ANKRD24: variants seen among roughly 807,000 people sequenced by gnomAD.
ANKRD24 encodes ankyrin repeat domain-containing protein 24.
In ANKRD24, 109 loss-of-function variants were observed where a neutral mutation model predicts 127.8. The ratio of observed to expected loss-of-function variants is 0.85; its 90% CI spans 0.73 to 1.00. The LOEUF is 1.00. Ranked by LOEUF, ANKRD24 falls within the 50% of genes least tolerant of loss-of-function variation. ANKRD24 has a pLI of 0.00. For synonymous variants in ANKRD24, 743 were observed against 671.1 expected (o/e 1.11, Z -1.66); for missense variants, 1,648 against 1,570.2 (o/e 1.05, Z -0.84).
At chr19:4,202,667 C>T (rs1318491359) in intron 6 of ANKRD24, among the ~76,000 whole-genome samples, 1 of 152,168 alleles carries the variant, frequency 6.6e-6, no homozygotes, top group Non-Finnish European at 1.5e-5. Context: ...CCCAGAGTTC[C>T]CAGCCACTCC....
intron 1 of ANKRD24, among the ~76,000 whole-genome samples, chr19:4,183,940 A>G (rs539426254): frequency 2.6e-5 from 4 of 152,052 alleles, no homozygotes; most frequent in African/African-American, 7.3e-5. Context: ...TAAAGAGTGC[A>G]TGAGTCAGGT....
Position 4,182,704 on chromosome 19 carries a change from T to C in ANKRD24, c.-73T>C, listed in dbSNP as rs895673090. 1.1e-5 allele frequency: 16 copies of C among 1,413,022 alleles called. No homozygotes were observed. Among genetic ancestry groups the C allele is most frequent in the Non-Finnish European group, 1.5e-5 (16 of 1,081,958 alleles). The allele number at this position is 1,413,022 out of a possible 1,614,324, so 87.5% of individuals were successfully genotyped here. ...TGCTGACGCCGCAGGCGACATGTTA[T>C]CTGCTGTCAGAAGGAAGCCTGCCTC... On this transcript the variant is annotated 5_prime_UTR_variant, in exon 1 of 22. Transcript: ENST00000318934.
At chr19:4,215,744 C>T (rs1297322633) in intron 15 of ANKRD24, among the ~76,000 whole-genome samples, 3 of 149,192 alleles carry the variant, frequency 2.0e-5, no homozygotes, top group Admixed American at 1.4e-4. Context: ...CACTGCACTC[C>T]AGCCTGGGTG....
At chr19:4,218,373 C>T (rs1287959398) in intron 18 of ANKRD24, among the ~76,000 whole-genome samples, 1 of 151,988 alleles carries the variant, frequency 6.6e-6, no homozygotes, top group Non-Finnish European at 1.5e-5. Flanking sequence ...GATCTCAGCT[C>T]ACTGCAACCT....
chr19:4,196,903 A>G (rs907378639), intron 2 of ANKRD24, among the ~76,000 whole-genome samples: 7 of 151,986 alleles, frequency 4.6e-5, no homozygotes, highest in African/African-American at 1.7e-4. Context: ...CCCCTCCTCT[A>G]CCGGAGGAGC....
chr19:4,195,907 TAA>T lies in ANKRD24; in HGVS notation c.37-3773_37-3772del, dbSNP rs1968707279. On this transcript the variant is annotated intron_variant, in intron 2 of 21. Transcript: ENST00000318934. The surrounding 1 kb of genome is among the most constrained non-coding windows in gnomAD (Gnocchi z 4.2). ...AGACTCCGTCTCAAAAGAAAAAAAGTAAAAGTCTAAGAATAATCACGGACCAC... is the reference window on the plus strand; with the variant it reads ...AGACTCCGTCTCAAAAGAAAAAAAGTAAGTCTAAGAATAATCACGGACCAC... Among the ~76,000 whole-genome samples, 1 of 151,994 alleles carries T rather than the reference TAA, an allele frequency of 6.6e-6. No individual in the cohort carries two copies. The highest frequency in any genetic ancestry group is 2.4e-5 in the African/African-American group (1 of 41,448).
rs750209808 is a variant in ANKRD24, at chr19:4,217,954, C to A, written c.2794C>A (p.Arg932=). The A allele has an allele frequency of 6.6e-7, 1 of 1,509,226 alleles. No homozygotes were observed. Among genetic ancestry groups the A allele is most frequent in the Non-Finnish European group, 8.8e-7 (1 of 1,136,444 alleles). The allele number at this position is 1,509,226 out of a possible 1,614,324, so 93.5% of individuals were successfully genotyped here. Residue 932 remains arginine, a synonymous_variant, in exon 18 of 22, where the codon CGG becomes AGG. Coordinates refer to ENST00000318934, the MANE Select transcript of ANKRD24 (RefSeq NM_001393985.1). ...GGAGGAGGCCCTGGAGCTGCGGGGC[C>A]GGGCAGCCAGTCTGGAGCAGGAGGT... ...LQEEALELRG[R]AASLEQEVVA...
Position 4,216,665 on chromosome 19 carries a change from A to T in ANKRD24, c.1505A>T (p.Gln502Leu). ...GCCGAGTTTGACCAGCTACGCAGGC[A>T]GCACGCTGAGGCCCTGCAGGCCCTG... The part of the protein sequence containing the change: ...LRAEFDQLRR[Q>L]HAEALQALRQ... The change falls in exon 18 of 22, where the codon CAG (glutamine) becomes CTG (leucine). Residue 502 changes from glutamine to leucine, a missense_variant. Gln to Leu is a moderately radical substitution (Grantham distance 113). Transcript: ENST00000318934. The T allele has an allele frequency of 6.3e-7, 1 of 1,598,134 alleles. No individual in the cohort carries two copies. Among genetic ancestry groups the T allele is most frequent in the Non-Finnish European group, 8.5e-7 (1 of 1,172,570 alleles).
rs75794183 is a variant in ANKRD24, at chr19:4,182,689, G to T, written c.-88G>T. 3.7e-3 allele frequency: 5,248 copies of T among 1,415,198 alleles called. 182 individuals carry two copies. The African/African-American group carries it at 0.07, about 19-fold the overall frequency. The allele number at this position is 1,415,198 out of a possible 1,614,324, so 87.7% of individuals were successfully genotyped here. ...GGCGCATGCGCCTCTTGCTGACGCC[G>T]CAGGCGACATGTTATCTGCTGTCAG... On this transcript the variant is annotated 5_prime_UTR_variant, in exon 1 of 22. Coordinates refer to ENST00000318934, the MANE Select transcript of ANKRD24 (RefSeq NM_001393985.1).
At chr19:4,187,774 C>T (rs140083160) in intron 2 of ANKRD24, among the ~76,000 whole-genome samples, 1 of 152,286 alleles carries the variant, frequency 6.6e-6, no homozygotes, top group African/African-American at 2.4e-5. Context: ...ATACAACATC[C>T]CCATCTGGTG....
At position 4,198,625 on chromosome 19, in the gene ANKRD24, C is replaced by G. The variant is rs988402085; in HGVS notation, c.37-1058C>G. The G allele has an allele frequency of 4.9e-6, 2 of 408,450 alleles. No individual in the cohort carries two copies. Among genetic ancestry groups the G allele is most frequent in the East Asian group, 3.6e-5 (1 of 27,700 alleles). The allele number at this position is 408,450 out of a possible 1,614,324, so 25.3% of individuals were successfully genotyped here. A position where few individuals can be genotyped will look rare whatever the true frequency, so the allele number is the denominator to read the frequency against. On this transcript the variant is annotated intron_variant, in intron 2 of 21. Transcript: ENST00000318934. This position sits in a 1 kb window ranked among gnomAD's most constrained non-coding sequence, Gnocchi z 6.1. Reference sequence around the variant, plus strand: ...TCCCCGGCTGACCTGGACCACCCCCCCATTCCAGACCCGGGAAAGATGGTC... The same window carrying G: ...TCCCCGGCTGACCTGGACCACCCCCGCATTCCAGACCCGGGAAAGATGGTC...
At chr19:4,218,467 CTT>C (rs1599466493) in intron 18 of ANKRD24, among the ~76,000 whole-genome samples, 1 of 151,652 alleles carries the variant, frequency 6.6e-6, no homozygotes, top group Non-Finnish European at 1.5e-5. Context: ...GCCCAGCTAA[CTT>C]TTGTATTTTT....
Position 4,183,674 on chromosome 19 carries a change from G to A in ANKRD24, c.-37+934G>A, listed in dbSNP as rs183682646. Among the ~76,000 whole-genome samples the A allele has an allele frequency of 3.9e-5, 6 of 152,216 alleles. No homozygotes were observed. The East Asian group carries it at 1.2e-3, about 30-fold the overall frequency. On this transcript the variant is annotated intron_variant, in intron 1 of 21. Transcript: ENST00000318934. ...CACACCTGTAATCCCAGCACTTTGG[G>A]AGGCCAAGGCAGGTGGATCACCTGA...
At chr19:4,207,180 T>C in intron 7 of ANKRD24, 62 bp from the exon 8 acceptor site, 1 of 1,488,906 alleles carries the variant, frequency 6.7e-7, no homozygotes. Flanking sequence ...TGCCTTGGCC[T>C]CCCAAGGTGC....
At position 4,197,782 on chromosome 19, in the gene ANKRD24, CGAAT is replaced by C. The variant is rs374749709; in HGVS notation, c.37-1892_37-1889del. Among the ~76,000 whole-genome samples, 298 of 149,780 alleles carry C rather than the reference CGAAT, an allele frequency of 2.0e-3. 1 individual carries two copies. Among genetic ancestry groups the C allele is most frequent in the African/African-American group, 6.9e-3 (281 of 40,680 alleles). ...ACGAGTGAATGAACGAATGAACAAG[CGAAT>C]GAATGAATAAGTGAATGAACGAATG... On this transcript the variant is annotated intron_variant, in intron 2 of 21. Coordinates refer to ENST00000318934, the MANE Select transcript of ANKRD24 (RefSeq NM_001393985.1).
At chr19:4,220,009 C>T (rs145012392) in intron 19 of ANKRD24, among the ~76,000 whole-genome samples, 6,169 of 152,252 alleles carry the variant, frequency 0.041, 325 homozygotes, top group African/African-American at 0.12. Flanking sequence ...GACGGAGTCT[C>T]GCTCTGTCGC....
chr19:4,224,024 C>T, intron 20 of ANKRD24, 103 bp from the exon 21 acceptor site: 2 of 825,232 alleles, frequency 2.4e-6, no homozygotes. Flanking sequence ...TAGCAGTCGG[C>T]CATCAACGTA....
At chr19:4,213,747 A>G (rs2145368798) in intron 15 of ANKRD24, among the ~76,000 whole-genome samples, 1 of 152,038 alleles carries the variant, frequency 6.6e-6, no homozygotes, top group Middle Eastern at 3.4e-3. Context: ...ACTCCTGCCT[A>G]CCGCAGCCTC....
Position 4,202,894 on chromosome 19 carries a change from A to G in ANKRD24, c.434A>G (p.Asp145Gly). 6.3e-7 allele frequency: 1 copy of G among 1,590,364 alleles called. No individual in the cohort carries two copies. The stretch of plus-strand genomic sequence containing the variant: ...GCTTCCTGCGTGGTGGACGTCGTGG[A>G]CAGCAGCGGGTGGACTGCCCTACAC... ...LQASCVVDVV[D>G]SSGWTALHHA... The change falls in exon 7 of 22, where the codon GAC becomes GGC. Residue 145 changes from aspartate to glycine, a missense_variant. Physicochemically the swap from Asp to Gly is moderately conservative, Grantham distance 94. Transcript: ENST00000318934.
Sources: gnomAD v4.1 joint callset for allele counts (sites outside exome capture counted in the v4.1 genomes callset) on GRCh38, gnomAD v4.1.1 for gene constraint, Gnocchi (gnomAD v3.1) non-coding constraint, MANE v1.5 for transcripts, NCBI Gene and HGNC (gene_info 2026-07-23, HGNC 2026-07-21) for gene names.